The following PDLIM5 variants were observed in gnomAD, a reference collection of about 807,000 sequenced individuals.
PDLIM5 encodes PDZ and LIM domain 5.
In PDLIM5, 34 loss-of-function variants were observed where a neutral mutation model predicts 64.2. The ratio of observed to expected loss-of-function variants is 0.53; its 90% CI spans 0.40 to 0.71. The LOEUF (loss-of-function observed/expected upper bound fraction) is 0.71. Among genes scored for constraint, PDLIM5 ranks in the 30% least tolerant of loss-of-function variants. The pLI is 0.00. For synonymous variants in PDLIM5, 253 were observed against 269.1 expected, an observed-to-expected ratio of 0.94 and a Z score of 0.59; for missense variants, 683 against 733.6, an observed-to-expected ratio of 0.93 and a Z score of 0.80.
chr4:94,491,283 T>G (rs1210563570), intron 2 of PDLIM5, among the ~76,000 whole-genome samples: 2 of 152,188 alleles, frequency 1.3e-5, no homozygotes, highest in African/African-American at 4.8e-5. Flanking sequence ...TTCAGGTGTT[T>G]GATTAAATCA....
At chr4:94,548,498 A>G (rs1400119326) in intron 3 of PDLIM5, among the ~76,000 whole-genome samples, 1 of 152,268 alleles carries the variant, frequency 6.6e-6, no homozygotes, top group Admixed American at 6.5e-5. Flanking sequence ...GATATTGCCG[A>G]TGTTTTAGTA....
At chr4:94,601,336 G>A (rs570569073) in intron 7 of PDLIM5, among the ~76,000 whole-genome samples, 57 of 152,226 alleles carry the variant, frequency 3.7e-4, no homozygotes, top group Non-Finnish European at 6.8e-4. Context: ...CTCTCTGCCT[G>A]TGTGACCTAA....
intron 11 of PDLIM5, among the ~76,000 whole-genome samples, chr4:94,659,077 A>AG (rs1742444444): frequency 1.3e-5 from 2 of 152,236 alleles, no homozygotes; most frequent in Non-Finnish European, 2.9e-5. Context: ...CTTATAGGAA[A>AG]GGAAAAACAT....
chr4:94,503,772 C>CA (rs1728141699), intron 2 of PDLIM5, among the ~76,000 whole-genome samples: 1 of 152,230 alleles, frequency 6.6e-6, no homozygotes, highest in Admixed American at 6.5e-5. Flanking sequence ...GTTGACCACT[C>CA]AGAGTTCTAC....
At chr4:94,568,028 A>G (rs1270114548) in intron 3 of PDLIM5, among the ~76,000 whole-genome samples, 1 of 152,246 alleles carries the variant, frequency 6.6e-6, no homozygotes, top group Admixed American at 6.5e-5. Context: ...TTCTTATATC[A>G]GTATCTGAAC....
intron 2 of PDLIM5, among the ~76,000 whole-genome samples, chr4:94,504,323 CTG>C (rs1300375100): frequency 6.6e-6 from 1 of 151,244 alleles, no homozygotes; most frequent in East Asian, 1.9e-4. Flanking sequence ...GAGTGTCACT[CTG>C]TCACCAGGTT....
At chr4:94,639,774 A>C (rs1419324709) in intron 8 of PDLIM5, among the ~76,000 whole-genome samples, 1 of 152,170 alleles carries the variant, frequency 6.6e-6, no homozygotes, top group Non-Finnish European at 1.5e-5. Context: ...TATTTACCTT[A>C]ACCATGTCTT....
intron 2 of PDLIM5, among the ~76,000 whole-genome samples, chr4:94,509,355 A>G (rs116928820): frequency 6.6e-6 from 1 of 152,090 alleles, no homozygotes; most frequent in Non-Finnish European, 1.5e-5. Context: ...TTTGTAGTAC[A>G]TCTTTTACTT....
At chr4:94,607,290 G>A (rs1427463514) in intron 7 of PDLIM5, among the ~76,000 whole-genome samples, 1 of 146,596 alleles carries the variant, frequency 6.8e-6, no homozygotes, top group Non-Finnish European at 1.5e-5. Flanking sequence ...GGCTAATTTT[G>A]TATTTTTCCT....
At chr4:94,453,097 C>A (rs1396164582) in intron 1 of PDLIM5, among the ~76,000 whole-genome samples, 1 of 152,164 alleles carries the variant, frequency 6.6e-6, no homozygotes, top group African/African-American at 2.4e-5. Context: ...TACCAAGCTT[C>A]CTTCCCTAGT....
chr4:94,632,608 A>G (rs1268718834), intron 8 of PDLIM5, among the ~76,000 whole-genome samples: 1 of 152,218 alleles, frequency 6.6e-6, no homozygotes, highest in Non-Finnish European at 1.5e-5. Context: ...ATGTTATGTT[A>G]TATGGCAAAA....
At chr4:94,624,200 C>T (rs1739482104) in intron 8 of PDLIM5, among the ~76,000 whole-genome samples, 1 of 151,712 alleles carries the variant, frequency 6.6e-6, no homozygotes, top group African/African-American at 2.4e-5. Flanking sequence ...CGCCTATGGT[C>T]CCAGCTGCTC....
chr4:94,541,821 C>T (rs1476862741), intron 3 of PDLIM5, among the ~76,000 whole-genome samples: 1 of 152,194 alleles, frequency 6.6e-6, no homozygotes, highest in Admixed American at 6.5e-5. Flanking sequence ...ATTTGATCTA[C>T]ATTAGGTCAC....
At chr4:94,585,981 C>T (rs1458202454) in intron 6 of PDLIM5, among the ~76,000 whole-genome samples, 1 of 152,046 alleles carries the variant, frequency 6.6e-6, no homozygotes, top group Non-Finnish European at 1.5e-5. Context: ...ACCAGACTAG[C>T]CAACATGGTG....
chr4:94,502,493 C>G (rs531707485), intron 2 of PDLIM5, among the ~76,000 whole-genome samples: 1 of 152,184 alleles, frequency 6.6e-6, no homozygotes, highest in Admixed American at 6.5e-5. Context: ...GCTCTGTGAC[C>G]TTAGACTAGC....
At chr4:94,525,439 A>T (rs6842612) in intron 3 of PDLIM5, among the ~76,000 whole-genome samples, 5,993 of 105,482 alleles carry the variant, frequency 0.057, 355 homozygotes, top group African/African-American at 0.23. Context: ...AAAAAATATT[A>T]AAAAAAAAGA....
chr4:94,549,076 C>T (rs554648797), intron 3 of PDLIM5, among the ~76,000 whole-genome samples: 2 of 152,252 alleles, frequency 1.3e-5, no homozygotes, highest in East Asian at 1.9e-4. Context: ...CCTATTTCCT[C>T]GGTTTCCAAT....
intron 3 of PDLIM5, among the ~76,000 whole-genome samples, chr4:94,557,638 A>G (rs951372853): frequency 1.3e-5 from 2 of 152,078 alleles, no homozygotes; most frequent in Non-Finnish European, 2.9e-5. Context: ...TGTAAGTTGG[A>G]TTCCTAGGTA....
intron 2 of PDLIM5, among the ~76,000 whole-genome samples, chr4:94,478,028 C>T (rs1002963231): frequency 1.3e-5 from 2 of 151,918 alleles, no homozygotes; most frequent in South Asian, 2.1e-4. Flanking sequence ...GAGGCCGAGG[C>T]GAGCGGATCA....
Sources: allele counts gnomAD v4.1 joint callset (sites outside exome capture counted in the v4.1 genomes callset), GRCh38; gene constraint gnomAD v4.1.1; transcripts MANE v1.5; gene names NCBI Gene and HGNC (gene_info 2026-07-23, HGNC 2026-07-21).